Variants in IMPA2 observed in about 807,000 individuals in gnomAD.
The protein encoded by IMPA2 is inositol monophosphatase 2, also known as IMP 2.
Under a neutral mutation model 35.1 loss-of-function variants are expected in IMPA2, and 32 were observed. That is an observed-to-expected ratio of 0.91 (90% CI 0.69 to 1.23). IMPA2 has a LOEUF of 1.23. Among genes scored for constraint, IMPA2 ranks in the 50% most tolerant of loss-of-function variants. The pLI is 0.00. For synonymous variants in IMPA2, 135 were observed against 160.6 expected, an observed-to-expected ratio of 0.84 and a Z score of 1.20; for missense variants, 334 against 387.6, an observed-to-expected ratio of 0.86 and a Z score of 1.16.
At chr18:12,001,942 TC>T (rs1907127517) in intron 2 of IMPA2, among the ~76,000 whole-genome samples, 1 of 152,202 alleles carries the variant, frequency 6.6e-6, no homozygotes, top group South Asian at 2.1e-4. Flanking sequence ...ACCCCCATCT[TC>T]CCTAGCTCTG....
At chr18:11,998,556 A>T (rs189936998) in intron 1 of IMPA2, among the ~76,000 whole-genome samples, 1 of 152,358 alleles carries the variant, frequency 6.6e-6, no homozygotes, top group Admixed American at 6.5e-5. Flanking sequence ...ATCCCATTTC[A>T]TGGGATAAAG....
intron 1 of IMPA2, among the ~76,000 whole-genome samples, chr18:11,990,230 CAT>C (rs1280277570): frequency 6.6e-6 from 1 of 152,222 alleles, no homozygotes; most frequent in African/African-American, 2.4e-5. Context: ...GCTCACCTTT[CAT>C]GTGAGAGATG....
At position 12,010,647 on chromosome 18, in the gene IMPA2, G is replaced by C. The variant is rs3786284; in HGVS notation, c.335+660G>C. On this transcript the variant is annotated intron_variant, in intron 3 of 7. Transcript: ENST00000269159. The surrounding 1 kb of genome is among the most constrained non-coding windows in gnomAD (Gnocchi z 4.8). ...GAGCATGATGTGGCTTAAACGGAGCGTGGTTCTCCAGCTCTGGAGAACCCT... is the reference window on the plus strand; with the variant it reads ...GAGCATGATGTGGCTTAAACGGAGCCTGGTTCTCCAGCTCTGGAGAACCCT... Among the ~76,000 whole-genome samples, 1 of 152,050 alleles carries C rather than the reference G, an allele frequency of 6.6e-6. No individual in the cohort carries two copies. Among genetic ancestry groups the C allele is most frequent in the Non-Finnish European group, 1.5e-5 (1 of 67,986 alleles).
At chr18:12,023,809 A>G (rs564888730) in intron 5 of IMPA2, among the ~76,000 whole-genome samples, 22 of 152,314 alleles carry the variant, frequency 1.4e-4, no homozygotes, top group Admixed American at 1.2e-3. Context: ...AATCACTCTT[A>G]GAGTGTACCT....
At chr18:12,028,363 T>C in intron 6 of IMPA2, 1 of 559,756 alleles carries the variant, frequency 1.8e-6, no homozygotes. Flanking sequence ...GGCACCTGTG[T>C]TGCTTCTGAT....
chr18:11,985,315 T>C (rs1906636243), intron 1 of IMPA2, among the ~76,000 whole-genome samples: 1 of 152,212 alleles, frequency 6.6e-6, no homozygotes, highest in Non-Finnish European at 1.5e-5. Context: ...CTGCTTCTCA[T>C]ACTTCCGTAA....
chr18:12,028,838 C>T lies in IMPA2; in HGVS notation c.600-4C>T, dbSNP rs768135191. 3.7e-6 allele frequency: 6 copies of T among 1,613,760 alleles called. No homozygotes were observed. In the Middle Eastern group the frequency reaches 6.6e-4, roughly 178 times the overall value. ...TGCATCTGTCCTCCCTTCCCTCTCC[C>T]CAGGGTCCGAGTGATTGGAAGCTCC... On this transcript the variant is annotated splice_polypyrimidine_tract_variant and splice_region_variant and intron_variant, in intron 6 of 7. Transcript: ENST00000269159.
At chr18:12,011,038 A>G (rs1436540623) in intron 3 of IMPA2, among the ~76,000 whole-genome samples, 2 of 152,052 alleles carry the variant, frequency 1.3e-5, no homozygotes, top group African/African-American at 4.8e-5. Context: ...GTGGAGCCTC[A>G]TTACTTCTGC....
chr18:12,014,167 A>G lies in IMPA2; in HGVS notation c.382-98A>G, dbSNP rs1035656580. On this transcript the variant is annotated intron_variant, in intron 4 of 7. Coordinates refer to ENST00000269159, the MANE Select transcript of IMPA2 (RefSeq NM_014214.3). The stretch of plus-strand genomic sequence containing the variant: ...CTGTCACAGTGTAATGTGTTATCCT[A>G]ACGCCTAGCGCAGCCTTCATCTTTG... The G allele has an allele frequency of 4.8e-6, 4 of 827,870 alleles. No individual in the cohort carries two copies. The African/African-American group carries it at 6.7e-5, about 14-fold the overall frequency. 51.3% of individuals were successfully genotyped at this position (827,870 alleles called of 1,614,324 possible). A position where few individuals can be genotyped will look rare whatever the true frequency, so the allele number is the denominator to read the frequency against.
At chr18:12,016,784 C>T (rs971533494) in intron 5 of IMPA2, among the ~76,000 whole-genome samples, 24 of 152,232 alleles carry the variant, frequency 1.6e-4, no homozygotes, top group Middle Eastern at 3.4e-3. Flanking sequence ...AATCTCAGTC[C>T]TCATATTGAA....
At chr18:11,989,354 T>C (rs1906748220) in intron 1 of IMPA2, among the ~76,000 whole-genome samples, 1 of 152,112 alleles carries the variant, frequency 6.6e-6, no homozygotes, top group Non-Finnish European at 1.5e-5. Context: ...GGCCTCCAGC[T>C]CCTGCCTCGC....
At chr18:12,009,426 C>G (rs981450215) in intron 2 of IMPA2, among the ~76,000 whole-genome samples, 1 of 152,132 alleles carries the variant, frequency 6.6e-6, no homozygotes, top group African/African-American at 2.4e-5. Context: ...GAGATCTCAG[C>G]TGCAAGTGAC....
At chr18:11,995,690 G>A (rs1175952713) in intron 1 of IMPA2, among the ~76,000 whole-genome samples, 1 of 152,156 alleles carries the variant, frequency 6.6e-6, no homozygotes, top group Non-Finnish European at 1.5e-5. Context: ...GCAGGAAGCA[G>A]ATCTGGTCTA....
intron 5 of IMPA2, among the ~76,000 whole-genome samples, chr18:12,023,866 C>G (rs902738413): frequency 6.6e-6 from 1 of 152,184 alleles, no homozygotes; most frequent in Non-Finnish European, 1.5e-5. Flanking sequence ...TACAGGATCC[C>G]TCATAGCCCA....
chr18:12,019,876 A>C (rs972894471), intron 5 of IMPA2, among the ~76,000 whole-genome samples: 7 of 149,932 alleles, frequency 4.7e-5, no homozygotes, highest in African/African-American at 1.7e-4. Context: ...TCAAAAAAAT[A>C]AAAAAATATA....
At chr18:12,007,022 C>T (rs1356527617) in intron 2 of IMPA2, among the ~76,000 whole-genome samples, 2 of 152,212 alleles carry the variant, frequency 1.3e-5, no homozygotes, top group African/African-American at 2.4e-5. Context: ...CCCAGCTACT[C>T]ATGAGGCTGA....
intron 5 of IMPA2, among the ~76,000 whole-genome samples, chr18:12,019,777 C>T (rs887871955): frequency 6.6e-6 from 1 of 152,022 alleles, no homozygotes; most frequent in African/African-American, 2.4e-5. Context: ...TAATAAAATA[C>T]TAAAAATGTC....
intron 5 of IMPA2, among the ~76,000 whole-genome samples, chr18:12,026,903 A>G (rs892373777): frequency 2.6e-5 from 4 of 152,226 alleles, no homozygotes; most frequent in South Asian, 2.1e-4. Context: ...TCCTGAGGGC[A>G]GGCAGGTTGC....
rs529092056 is a variant in IMPA2, at chr18:11,984,841, G to A, written c.96+3076G>A. On this transcript the variant is annotated intron_variant, in intron 1 of 7. Coordinates refer to ENST00000269159, the MANE Select transcript of IMPA2 (RefSeq NM_014214.3). ...AAATTAGCCGGGCGTGGTGGCGGGCGCCTGTAGTCCCAGCTACTCAGGAGG... is the reference window on the plus strand; with the variant it reads ...AAATTAGCCGGGCGTGGTGGCGGGCACCTGTAGTCCCAGCTACTCAGGAGG... Among the ~76,000 whole-genome samples, 397 of 150,126 alleles carry A rather than the reference G, an allele frequency of 2.6e-3. 1 individual carries two copies. Among genetic ancestry groups the A allele is most frequent in the South Asian group, 5.5e-3 (24 of 4,342 alleles).
Sources: gnomAD v4.1 joint callset for allele counts (sites outside exome capture counted in the v4.1 genomes callset) on GRCh38, gnomAD v4.1.1 for gene constraint, Gnocchi (gnomAD v3.1) non-coding constraint, MANE v1.5 for transcripts, NCBI Gene and HGNC (gene_info 2026-07-23, HGNC 2026-07-21) for gene names.